The following MPZL1 variants were observed in gnomAD, a reference collection of about 807,000 sequenced individuals.
The protein encoded by MPZL1 is myelin protein zero-like protein 1.
A neutral mutation model predicts 29.3 loss-of-function variants in MPZL1; 16 were observed. The observed-to-expected ratio is 0.55, with a 90% confidence interval of 0.37 to 0.83. The LOEUF is 0.83. Ranked by LOEUF, MPZL1 falls within the 40% of genes least tolerant of loss-of-function variation. The pLI is 0.00. For missense variants in MPZL1, 279 were observed against 332.9 expected (o/e 0.84, Z 1.26); for synonymous variants, 143 against 132.0 (o/e 1.08, Z -0.57).
chr1:167,762,548 T>A (rs930224319), intron 1 of MPZL1, among the ~76,000 whole-genome samples: 8 of 152,222 alleles, frequency 5.3e-5, no homozygotes, highest in African/African-American at 1.9e-4. Flanking sequence ...TGAACACAAT[T>A]TGAACAGTTG....
chr1:167,760,185 G>A (rs1259172288), intron 1 of MPZL1, among the ~76,000 whole-genome samples: 1 of 152,032 alleles, frequency 6.6e-6, no homozygotes, highest in African/African-American at 2.4e-5. Flanking sequence ...TCAATTTCTA[G>A]ATAGGTTTCT....
rs1303122119 is a variant in MPZL1 at position 167,790,902 on chromosome 1, T to C, written c.*2981T>C. On this transcript the variant is annotated 3_prime_UTR_variant, in exon 6 of 6. Coordinates refer to ENST00000359523, the MANE Select transcript of MPZL1 (RefSeq NM_003953.6). ...CATATCATTCCAGCTACACCTGCCTTCTTTTCTTCAAAAATGCCGTCCGTG... is the reference window on the plus strand; with the variant it reads ...CATATCATTCCAGCTACACCTGCCTCCTTTTCTTCAAAAATGCCGTCCGTG... 6.6e-6 allele frequency: 1 copy of C among 152,218 alleles called. No homozygotes were observed. Among genetic ancestry groups the C allele is most frequent in the Non-Finnish European group, 1.5e-5 (1 of 68,046 alleles). The allele number at this position is 152,218 out of a possible 1,614,324, so 9.4% of individuals were successfully genotyped here.
chr1:167,732,110 A>G (rs543578709), intron 1 of MPZL1, among the ~76,000 whole-genome samples: 2 of 152,330 alleles, frequency 1.3e-5, no homozygotes, highest in African/African-American at 2.4e-5. Flanking sequence ...AGGGACTACT[A>G]CATAATATAT....
intron 5 of MPZL1, 58 bp downstream of exon 5, chr1:167,776,224 C>A: frequency 1.6e-6 from 2 of 1,277,156 alleles, no homozygotes; most frequent in South Asian, 2.6e-5. Flanking sequence ...GGTGCTCTGT[C>A]ACTTCCTTGG....
At chr1:167,739,282 C>CATATATACATATATACATAT (rs1387652331) in intron 1 of MPZL1, among the ~76,000 whole-genome samples, 2 of 90,442 alleles carry the variant, frequency 2.2e-5, no homozygotes, top group Non-Finnish European at 4.0e-5. Flanking sequence ...TACATATATA[C>CATATATACATATATACATAT]ATATATATAT....
intron 1 of MPZL1, among the ~76,000 whole-genome samples, chr1:167,758,777 C>T (rs1175837370): frequency 6.6e-6 from 1 of 152,080 alleles, no homozygotes; most frequent in South Asian, 2.1e-4. Flanking sequence ...AAACCTTATT[C>T]TCCAGAGTAC....
intron 3 of MPZL1, 31 bp from the exon 4 acceptor site, chr1:167,773,205 A>G: frequency 6.3e-7 from 1 of 1,599,486 alleles, no homozygotes; most frequent in South Asian, 1.1e-5. Flanking sequence ...GTAGCAATGT[A>G]CCTTAAAACT....
At chr1:167,756,429 ATTTTT>A (rs11455159) in intron 1 of MPZL1, among the ~76,000 whole-genome samples, 2 of 94,632 alleles carry the variant, frequency 2.1e-5, no homozygotes. Context: ...GTCTGGCCAG[ATTTTT>A]TTTTTTTTTT....
intron 5 of MPZL1, among the ~76,000 whole-genome samples, chr1:167,783,870 A>G (rs1042682416): frequency 1.3e-5 from 2 of 152,260 alleles, no homozygotes; most frequent in Non-Finnish European, 2.9e-5. Context: ...TACTAAAAAA[A>G]AAGGTGTTCT....
chr1:167,774,081 A>G, intron 4 of MPZL1, among the ~76,000 whole-genome samples: 1 of 152,254 alleles, frequency 6.6e-6, no homozygotes, highest in East Asian at 1.9e-4. Flanking sequence ...ATGGGATAAT[A>G]AGAATTGATG....
intron 5 of MPZL1, among the ~76,000 whole-genome samples, chr1:167,786,867 T>C (rs937864797): frequency 6.6e-6 from 1 of 152,228 alleles, no homozygotes; most frequent in Non-Finnish European, 1.5e-5. Flanking sequence ...TTGGGTAATA[T>C]TAAATCTTTC....
intron 1 of MPZL1, among the ~76,000 whole-genome samples, chr1:167,725,583 T>A (rs1660128258): frequency 6.6e-6 from 1 of 152,128 alleles, no homozygotes. Context: ...CCTCCCTGGT[T>A]CAAGCGATTC....
At chr1:167,761,099 GTAAC>G (rs1318642028) in intron 1 of MPZL1, among the ~76,000 whole-genome samples, 1 of 152,190 alleles carries the variant, frequency 6.6e-6, no homozygotes. Context: ...TTTCTATGGA[GTAAC>G]GGAGATGAAA....
At position 167,776,125 on chromosome 1, in the gene MPZL1, A is replaced by G. The variant is rs1661361741; in HGVS notation, c.667A>G (p.Thr223Ala). 1 of 1,612,750 alleles carries G rather than the reference A, an allele frequency of 6.2e-7. No homozygotes were observed. Among genetic ancestry groups the G allele is most frequent in the South Asian group, 1.1e-5 (1 of 90,946 alleles). Residue 223 changes from threonine to alanine, a missense_variant, in exon 5 of 6, where the codon ACT (threonine) becomes GCT (alanine). Transcript: ENST00000359523. ...KQAPRKSPSD[T>A]EGLVKSLPSG... ...GGCTCCTCGGAAGTCCCCCTCCGAC[A>G]CTGAGGGTCTTGTAAAGAGTCTGCC...
At position 167,787,955 on chromosome 1, in the gene MPZL1, A is replaced by G. The variant is rs1417043981; in HGVS notation, c.*34A>G. 1.3e-6 allele frequency: 2 copies of G among 1,553,734 alleles called. No homozygotes were observed. The highest frequency in any genetic ancestry group is 2.2e-5 in the East Asian group (1 of 44,548). On this transcript the variant is annotated 3_prime_UTR_variant, in exon 6 of 6. Transcript: ENST00000359523. ...CTAGAACATATCCTCAGCAAGAAAC[A>G]AAACCAAACTGGACTCTCGTGCAGA...
At chr1:167,736,193 G>A (rs374233037) in intron 1 of MPZL1, among the ~76,000 whole-genome samples, 1 of 151,964 alleles carries the variant, frequency 6.6e-6, no homozygotes, top group Non-Finnish European at 1.5e-5. Flanking sequence ...TCTGCCTGTG[G>A]CCCCAATGTT....
chr1:167,778,090 A>G (rs1489464478), intron 5 of MPZL1, among the ~76,000 whole-genome samples: 1 of 152,206 alleles, frequency 6.6e-6, no homozygotes, highest in Non-Finnish European at 1.5e-5. Context: ...AGGGAGGCCA[A>G]GGCGGGTGGA....
intron 5 of MPZL1, among the ~76,000 whole-genome samples, chr1:167,777,721 A>G (rs1231250723): frequency 1.3e-5 from 2 of 152,220 alleles, no homozygotes; most frequent in African/African-American, 4.8e-5. Flanking sequence ...AGTAGGTTGC[A>G]CAATGCCTGG....
intron 5 of MPZL1, 111 bp downstream of exon 5, chr1:167,776,277 C>A: frequency 1.5e-6 from 1 of 674,312 alleles, no homozygotes; most frequent in South Asian, 2.7e-5. Context: ...GAGACAGAGA[C>A]AGACAGACAG....
Sources: gnomAD v4.1 joint callset for allele counts (sites outside exome capture counted in the v4.1 genomes callset) on GRCh38, gnomAD v4.1.1 for gene constraint, MANE v1.5 for transcripts, NCBI Gene and HGNC (gene_info 2026-07-23, HGNC 2026-07-21) for gene names.